Variants in RBMX2 observed in about 807,000 individuals in gnomAD.
RBMX2 encodes the protein RNA-binding motif protein, X-linked 2.
For synonymous variants in RBMX2, 77 were observed against 94.3 expected, an observed-to-expected ratio of 0.82 and a Z score of 1.07; for missense variants, 191 against 256.0, an observed-to-expected ratio of 0.75 and a Z score of 1.73.
At chrX:130,402,224 T>TAGCCC in intron 1 of RBMX2, 31 bp from the exon 2 acceptor site, 16 of 1,174,285 alleles carry the variant, frequency 1.4e-5, no homozygotes, top group Non-Finnish European at 1.6e-5. Context: ...CTTTTCTGCC[T>TAGCCC]ACCCTCCCCA....
At chrX:130,402,224 T>TGGCCC in intron 1 of RBMX2, 31 bp from the exon 2 acceptor site, 1 of 1,174,325 alleles carries the variant, frequency 8.5e-7, no homozygotes, top group Non-Finnish European at 1.1e-6. Flanking sequence ...CTTTTCTGCC[T>TGGCCC]ACCCTCCCCA....
At chrX:130,406,581 G>A (rs2034486649) in intron 3 of RBMX2, among the ~76,000 whole-genome samples, 1 of 107,896 alleles carries the variant, frequency 9.3e-6, no homozygotes, top group South Asian at 4.2e-4. Flanking sequence ...GCCAAGGCAG[G>A]AGAATCACTT....
At chrX:130,411,555 T>A (rs1173170767) in intron 5 of RBMX2, 30 bp downstream of exon 5, 7 of 1,125,682 alleles carry the variant, frequency 6.2e-6, no homozygotes, top group Non-Finnish European at 8.3e-6. Flanking sequence ...GAGAAGATTC[T>A]GGGTGGTCTT....
At chrX:130,409,474 C>T (rs2034501788) in intron 4 of RBMX2, 88 bp downstream of exon 4, 3 of 993,017 alleles carry the variant, frequency 3.0e-6, no homozygotes, top group Admixed American at 2.7e-5. Flanking sequence ...GACACAAGGG[C>T]AGCACTTGTG....
chrX:130,402,796 C>T (rs2034463222), intron 2 of RBMX2, among the ~76,000 whole-genome samples: 2 of 111,738 alleles, frequency 1.8e-5, no homozygotes, highest in South Asian at 3.8e-4. Context: ...CATTCCCCTT[C>T]CCTTCCAGAA....
At chrX:130,410,481 G>T in intron 4 of RBMX2, among the ~76,000 whole-genome samples, 1 of 110,838 alleles carries the variant, frequency 9.0e-6, no homozygotes, top group Admixed American at 9.6e-5. Context: ...CTGTTGCCTG[G>T]GTTCAAGTGA....
chrX:130,412,816 T>G lies in RBMX2; in HGVS notation c.937T>G (p.Ser313Ala), dbSNP rs757416646. 8.3e-7 allele frequency: 1 copy of G among 1,208,627 alleles called. No homozygotes were observed. Among genetic ancestry groups the G allele is most frequent in the South Asian group, 1.8e-5 (1 of 56,703 alleles). The change falls in exon 6 of 6, where the codon TCT (serine) becomes GCT (alanine). Residue 313 changes from serine to alanine, a missense_variant. Physicochemically the swap from Ser to Ala is moderately conservative, Grantham distance 99. Coordinates refer to ENST00000305536, the MANE Select transcript of RBMX2 (RefSeq NM_016024.4). ...KRARRSRERE[S>A]SNPSDRWRH ...GGCCCGACGCTCCCGGGAGCGGGAG[T>G]CTTCGAATCCCAGTGACCGTTGGCG...
At position 130,405,833 on chromosome X, in the gene RBMX2, C is replaced by CTT. The variant is rs770753173; in HGVS notation, c.173+2018_173+2019dup. 1.6e-4 allele frequency among the ~76,000 whole-genome samples: 4 copies of CTT among 24,638 alleles called. 1 individual carries two copies. The highest frequency in any genetic ancestry group is 6.7e-4 in the Admixed American group (1 of 1,496). 21.4% of individuals were successfully genotyped at this position (24,638 alleles called of 115,157 possible). A position where few individuals can be genotyped will look rare whatever the true frequency, so the allele number is the denominator to read the frequency against. ...GCTTCTCATTATTACTTTGCTTTGC[C>CTT]TTTTTTTTTTTTTTTTTTTTTTTTT... On this transcript the variant is annotated intron_variant, in intron 3 of 5. Coordinates refer to ENST00000305536, the MANE Select transcript of RBMX2 (RefSeq NM_016024.4).
intron 1 of RBMX2, 26 bp from the exon 2 acceptor site, chrX:130,402,229 T>TCCCCC (rs1603270908): frequency 3.7e-5 from 27 of 726,293 alleles, no homozygotes; most frequent in Admixed American, 6.8e-5. Flanking sequence ...CTGCCTACCC[T>TCCCCC]CCCCACCCCC....
intron 3 of RBMX2, among the ~76,000 whole-genome samples, chrX:130,406,673 C>CAAA (rs760646561): frequency 5.1e-5 from 3 of 58,773 alleles, no homozygotes; most frequent in Admixed American, 2.1e-4. Context: ...ACTCTGTCTC[C>CAAA]AAAAAAAAAA....
At position 130,412,698 on chromosome X, in the gene RBMX2, A is replaced by G; in HGVS notation, c.819A>G (p.Ser273=). The G allele has an allele frequency of 8.3e-7, 1 of 1,211,099 alleles. No individual in the cohort carries two copies. The highest frequency in any genetic ancestry group is 1.1e-6 in the Non-Finnish European group (1 of 895,410). ...GGATTAGGGACAGAGGGCGGAGCTC[A>G]GATGCACATTCTAGCTGGTATAATG... ...KTRIRDRGRS[S]DAHSSWYNGR... The change falls in exon 6 of 6, where the codon TCA becomes TCG. Residue 273 remains serine, a synonymous_variant. Transcript: ENST00000305536.
At chrX:130,410,800 A>T (rs1236196050) in intron 4 of RBMX2, among the ~76,000 whole-genome samples, 1 of 112,466 alleles carries the variant, frequency 8.9e-6, no homozygotes, top group Non-Finnish European at 1.9e-5. Flanking sequence ...GTGAGGGCTT[A>T]AGAAAAAAGC....
In RBMX2 at chrX:130,412,378, A is replaced by G. The variant is rs1306491196; in HGVS notation, c.499A>G (p.Lys167Glu). ...KHKKDKKEKKKKKKEKEKADR... is the reference protein window; with the variant it reads ...KHKKDKKEKKEKKKEKEKADR... ...TCCTCCAGACAAAAAGGAAAAAAAGAAAAAAAAGAAAGAAAAAGAGAAAGC... is the reference window on the plus strand; with the variant it reads ...TCCTCCAGACAAAAAGGAAAAAAAGGAAAAAAAGAAAGAAAAAGAGAAAGC... The change falls in exon 6 of 6, where the codon AAA becomes GAA. Residue 167 changes from lysine (K) to glutamate (E), a missense_variant. Lys to Glu is a moderately conservative substitution (Grantham distance 56). Coordinates refer to ENST00000305536, the MANE Select transcript of RBMX2 (RefSeq NM_016024.4). The G allele has an allele frequency of 2.6e-6, 3 of 1,150,805 alleles. No individual in the cohort carries two copies. Among genetic ancestry groups the G allele is most frequent in the African/African-American group, 3.7e-5 (2 of 53,370 alleles). 94.8% of individuals were successfully genotyped at this position (1,150,805 alleles called of 1,213,427 possible).
At chrX:130,403,518 G>A (rs889034952) in intron 2 of RBMX2, among the ~76,000 whole-genome samples, 4 of 111,508 alleles carry the variant, frequency 3.6e-5, no homozygotes, top group South Asian at 3.8e-4. Context: ...ACAGGTGCCC[G>A]CCACCTCACC....
Position 130,406,065 on chromosome X carries a change from C to T in RBMX2, c.173+2212C>T, listed in dbSNP as rs1323632307. Among the ~76,000 whole-genome samples the T allele has an allele frequency of 3.5e-5, 3 of 84,744 alleles. 1 individual carries two copies. Among genetic ancestry groups the T allele is most frequent in the Non-Finnish European group, 6.3e-5 (3 of 47,947 alleles). The allele number at this position is 84,744 out of a possible 115,157, so 73.6% of individuals were successfully genotyped here. ...AGAGACGGGGTTTCACCGTTTTAGC[C>T]GGGATGGTCTCGATCTCTTGACCTC... On this transcript the variant is annotated intron_variant, in intron 3 of 5. Coordinates refer to ENST00000305536, the MANE Select transcript of RBMX2 (RefSeq NM_016024.4).
At chrX:130,412,018 G>A (rs2034514885) in intron 5 of RBMX2, among the ~76,000 whole-genome samples, 1 of 110,825 alleles carries the variant, frequency 9.0e-6, no homozygotes, top group South Asian at 3.9e-4. Flanking sequence ...CGCCTCCCGA[G>A]TTCATGCCAT....
At chrX:130,408,637 T>G (rs1217438102) in intron 3 of RBMX2, among the ~76,000 whole-genome samples, 1 of 111,792 alleles carries the variant, frequency 8.9e-6, no homozygotes, top group African/African-American at 3.2e-5. Flanking sequence ...TTCTGTTTTT[T>G]GTAGTATAAT....
intron 3 of RBMX2, among the ~76,000 whole-genome samples, chrX:130,408,926 A>C (rs1225847454): frequency 1.8e-5 from 2 of 112,076 alleles, no homozygotes; most frequent in Non-Finnish European, 3.8e-5. Flanking sequence ...TTTTTAATTA[A>C]AATTTTTGAT....
intron 3 of RBMX2, chrX:130,404,470 G>A (rs1475061545): frequency 8.9e-6 from 1 of 112,926 alleles, no homozygotes; most frequent in African/African-American, 3.2e-5. Flanking sequence ...GTAGGAGAGG[G>A]GCTGGGCAGC....
Sources: allele counts gnomAD v4.1 joint callset (sites outside exome capture counted in the v4.1 genomes callset), GRCh38; gene constraint gnomAD v4.1.1; transcripts MANE v1.5; gene names NCBI Gene and HGNC (gene_info 2026-07-23, HGNC 2026-07-21).